Variants in NSD2 observed in about 807,000 individuals in gnomAD.
NSD2 encodes the protein histone-lysine N-methyltransferase NSD2.
In NSD2, 12 loss-of-function variants were observed where a neutral mutation model predicts 139.0. That is an observed-to-expected ratio of 0.09 (90% confidence interval 0.06 to 0.14). The LOEUF is 0.14. NSD2 is among the 10% of genes least tolerant of loss of function. The pLI is 1.00. For synonymous variants in NSD2, 669 were observed against 648.7 expected, an observed-to-expected ratio of 1.03 and a Z score of -0.48; for missense variants, 1,155 against 1,745.0, an observed-to-expected ratio of 0.66 and a Z score of 6.02.
intron 19 of NSD2, 139 bp from the exon 20 acceptor site, chr4:1,975,155 C>A: frequency 7.0e-7 from 1 of 1,431,348 alleles, no homozygotes; most frequent in South Asian, 1.3e-5. Flanking sequence ...TTTTACCAAG[C>A]AAAATTGAAA....
At chr4:1,938,412 C>CTTTGTTTTTTTTTTTTTTTTTTTTTTT in intron 7 of NSD2, 39 bp from the exon 8 acceptor site, 1 of 635,586 alleles carries the variant, frequency 1.6e-6, no homozygotes, top group Non-Finnish European at 2.0e-6. Flanking sequence ...TTTTTTTTTT[C>CTTTGTTTTTTTTTTTTTTTTTTTTTTT]TTTCTTTTTT....
intron 1 of NSD2, among the ~76,000 whole-genome samples, chr4:1,873,866 TAG>T (rs1007317454): frequency 6.6e-6 from 1 of 152,220 alleles, no homozygotes; most frequent in Non-Finnish European, 1.5e-5. Context: ...TATTTATTTT[TAG>T]AGACAGGGTC....
At chr4:1,872,625 A>AGAGG (rs1713934455) in intron 1 of NSD2, among the ~76,000 whole-genome samples, 1 of 144,118 alleles carries the variant, frequency 6.9e-6, no homozygotes, top group South Asian at 2.2e-4. Flanking sequence ...AGAGAGAGAG[A>AGAGG]GAGAGAGAGA....
At chr4:1,951,945 G>A (rs1577528103) in intron 10 of NSD2, 163 bp from the exon 11 acceptor site, 13 of 1,111,776 alleles carry the variant, frequency 1.2e-5, no homozygotes, top group East Asian at 7.9e-5. Context: ...GTATTTGTAC[G>A]TTCTGTTTGG....
chr4:1,947,626 T>C, intron 9 of NSD2: 1 of 1,055,278 alleles, frequency 9.5e-7, no homozygotes, highest in Non-Finnish European at 1.1e-6. Flanking sequence ...CTGTTTGAAA[T>C]TAGTCTTGAT....
chr4:1,917,994 T>A, intron 4 of NSD2, 147 bp from the exon 5 acceptor site: 2 of 905,986 alleles, frequency 2.2e-6, no homozygotes, highest in Non-Finnish European at 3.2e-6. Context: ...TTGACCAGGC[T>A]GGTCTTAAAC....
At position 1,916,994 on chromosome 4, in the gene NSD2, A is replaced by T. The variant is rs144431814; in HGVS notation, c.884A>T (p.Gln295Leu). 1.1e-3 allele frequency: 1,703 copies of T among 1,614,160 alleles called. 2 individuals are homozygous for T. The highest frequency in any genetic ancestry group is 1.4e-3 in the Non-Finnish European group (1,615 of 1,179,996). The change falls in exon 4 of 22, where the codon CAG (glutamine) becomes CTG (leucine). Residue 295 changes from glutamine to leucine, a missense_variant. Coordinates refer to ENST00000508803, the MANE Select transcript of NSD2 (RefSeq NM_001042424.3). ...EGEGQFEKLC[Q>L]ESAKQAPTKA... ...GAAGGACAGTTTGAAAAATTATGCCAGGAAAGTGCCAAGCAGGCACCCACG... is the reference window on the plus strand; with the variant it reads ...GAAGGACAGTTTGAAAAATTATGCCTGGAAAGTGCCAAGCAGGCACCCACG...
chr4:1,981,477 C>T lies in NSD2; in HGVS notation c.*2568C>T, dbSNP rs2109045613. On this transcript the variant is annotated 3_prime_UTR_variant, in exon 22 of 22. Coordinates refer to ENST00000508803, the MANE Select transcript of NSD2 (RefSeq NM_001042424.3). ...CAAAACACAAAAACCGCCCCAATCC[C>T]TCAGGATTCCTTGGCATCCGAAACC... is the stretch of plus-strand genomic sequence containing the variant. 8.1e-6 allele frequency: 2 copies of T among 246,206 alleles called. 1 individual carries two copies. Among genetic ancestry groups the T allele is most frequent in the South Asian group, 3.5e-4 (2 of 5,644 alleles). The allele number at this position is 246,206 out of a possible 1,614,324, so 15.3% of individuals were successfully genotyped here. A position where few individuals can be genotyped will look rare whatever the true frequency, so the allele number is the denominator to read the frequency against.
Position 1,875,738 on chromosome 4 carries a change from T to TA in NSD2, c.-30+4208dup, listed in dbSNP as rs796261936. Among the ~76,000 whole-genome samples the TA allele has an allele frequency of 8.6e-3, 1,187 of 137,892 alleles. 10 individuals are homozygous for TA. The highest frequency in any genetic ancestry group is 0.022 in the African/African-American group (838 of 37,442). 90.5% of individuals were successfully genotyped at this position (137,892 alleles called of 152,430 possible). A position where few individuals can be genotyped will look rare whatever the true frequency, so the allele number is the denominator to read the frequency against. Reference sequence around the variant, plus strand: ...TAACATGATGAAACCCCGTTTCTACTAAAAAAAAAAAATACAAAAAATTAG... The same window carrying TA: ...TAACATGATGAAACCCCGTTTCTACTAAAAAAAAAAAAATACAAAAAATTAG... On this transcript the variant is annotated intron_variant, in intron 1 of 21. Transcript: ENST00000508803.
intron 1 of NSD2, among the ~76,000 whole-genome samples, chr4:1,871,759 C>T (rs985800151): frequency 2.1e-5 from 3 of 142,040 alleles, no homozygotes; most frequent in African/African-American, 7.8e-5. Flanking sequence ...TCGTGGGGAC[C>T]GCGAGGACCG....
In NSD2 at chr4:1,978,992, C is replaced by G; in HGVS notation, c.*83C>G. On this transcript the variant is annotated 3_prime_UTR_variant, in exon 22 of 22. Coordinates refer to ENST00000508803, the MANE Select transcript of NSD2 (RefSeq NM_001042424.3). ...CGGGAGAGGGCGAGCATGAACTGGC[C>G]CGGAGGACCCAGCTCGAGCCGCCAG... is the stretch of plus-strand genomic sequence containing the variant. 1 of 1,423,748 alleles carries G rather than the reference C, an allele frequency of 7.0e-7. No homozygotes were observed. 88.2% of individuals were successfully genotyped at this position (1,423,748 alleles called of 1,614,324 possible).
rs983150719 is a variant in NSD2 at position 1,920,175 on chromosome 4, C to T, written c.1410+1552C>T. Among the ~76,000 whole-genome samples the T allele has an allele frequency of 6.6e-5, 10 of 152,168 alleles. No homozygotes were observed. In the East Asian group the frequency reaches 1.7e-3, roughly 26 times the overall value. On this transcript the variant is annotated intron_variant, in intron 5 of 21. Transcript: ENST00000508803. ...AGTGATGCCTTCAAGAGTGGCTGGG[C>T]GTGGTGGCTCCCGCCTGTAATCTCA...
intron 4 of NSD2, 95 bp from the exon 5 acceptor site, chr4:1,918,046 G>C (rs929251845): frequency 1.4e-6 from 2 of 1,450,890 alleles, no homozygotes; most frequent in African/African-American, 2.8e-5. Flanking sequence ...ACCCATAAGT[G>C]CTGGAATTAT....
At chr4:1,940,016 A>G (rs1722925446) in intron 9 of NSD2, 8 of 1,373,936 alleles carry the variant, frequency 5.8e-6, no homozygotes, top group Admixed American at 3.0e-5. Context: ...ACATGTACAG[A>G]TATACTTCAG....
intron 18 of NSD2, among the ~76,000 whole-genome samples, chr4:1,970,571 T>A (rs1726352039): frequency 6.6e-6 from 1 of 151,604 alleles, no homozygotes; most frequent in Non-Finnish European, 1.5e-5. Context: ...GAAGGGGCAG[T>A]GGGAGGAGCA....
intron 3 of NSD2, among the ~76,000 whole-genome samples, chr4:1,909,887 A>G (rs1444236640): frequency 6.6e-6 from 1 of 151,374 alleles, no homozygotes; most frequent in Non-Finnish European, 1.5e-5. Flanking sequence ...GATCCGCCCA[A>G]CTCGGCCTCC....
At chr4:1,918,964 A>G (rs940598728) in intron 5 of NSD2, 4 of 202,606 alleles carry the variant, frequency 2.0e-5, no homozygotes, top group African/African-American at 4.7e-5. Context: ...CCTGGGCAAC[A>G]TGGTGAAACC....
At chr4:1,978,513 TTC>T in intron 21 of NSD2, 123 bp from the exon 22 acceptor site, 1 of 1,376,306 alleles carries the variant, frequency 7.3e-7, no homozygotes, top group African/African-American at 1.4e-5. Context: ...GCCCGTCCTG[TTC>T]GCTGGAGCCA....
rs1276063467 is a variant in NSD2, at chr4:1,918,056, T to C, written c.928-85T>C. ...TTGACACCCATAAGTGCTGGAATTA[T>C]AGGCATGAATCATGTGCCTAGGAAA... is the stretch of plus-strand genomic sequence containing the variant. On this transcript the variant is annotated intron_variant, in intron 4 of 21. Transcript: ENST00000508803. 5.4e-6 allele frequency: 8 copies of C among 1,488,606 alleles called. No homozygotes were observed. In the South Asian group the frequency reaches 5.5e-5, roughly 10 times the overall value. 92.2% of individuals were successfully genotyped at this position (1,488,606 alleles called of 1,614,324 possible).
Sources: gnomAD v4.1 joint callset for allele counts (sites outside exome capture counted in the v4.1 genomes callset) on GRCh38, gnomAD v4.1.1 for gene constraint, MANE v1.5 for transcripts, NCBI Gene and HGNC (gene_info 2026-07-23, HGNC 2026-07-21) for gene names.